The following STXBP5L variants were observed in gnomAD, a reference collection of about 807,000 sequenced individuals.
STXBP5L encodes syntaxin-binding protein 5-like.
In STXBP5L, 65 loss-of-function variants were observed where a neutral mutation model predicts 144.5. That is an observed-to-expected ratio of 0.45 (90% confidence interval 0.37 to 0.55). STXBP5L has a LOEUF of 0.55. STXBP5L is among the 20% of genes least tolerant of loss of function. The pLI is 0.00. For missense variants in STXBP5L, 1,298 were observed against 1,405.5 expected, an observed-to-expected ratio of 0.92 and a Z score of 1.22; for synonymous variants, 505 against 469.6, an observed-to-expected ratio of 1.08 and a Z score of -0.97.
intron 5 of STXBP5L, among the ~76,000 whole-genome samples, chr3:121,090,856 A>T (rs974694976): frequency 2.6e-4 from 39 of 151,796 alleles, no homozygotes; most frequent in Middle Eastern, 3.2e-3. Flanking sequence ...TATACATGTG[A>T]CATGCTGGTG....
intron 20 of STXBP5L, among the ~76,000 whole-genome samples, chr3:121,333,258 G>T (rs570523844): frequency 2.1e-4 from 32 of 152,164 alleles, no homozygotes; most frequent in Non-Finnish European, 3.7e-4. Context: ...AATGTAAGTG[G>T]TCTAAATGCT....
At chr3:121,403,877 C>T (rs2046939124) in intron 22 of STXBP5L, among the ~76,000 whole-genome samples, 1 of 152,176 alleles carries the variant, frequency 6.6e-6, no homozygotes, top group South Asian at 2.1e-4. Flanking sequence ...TATTCCTTCT[C>T]AATCTCTTTA....
intron 9 of STXBP5L, among the ~76,000 whole-genome samples, chr3:121,190,127 A>G (rs908611088): frequency 6.6e-6 from 1 of 151,932 alleles, no homozygotes. Context: ...GTAGGTTCAT[A>G]GGACAATAGT....
chr3:121,300,027 T>A (rs562243091), intron 19 of STXBP5L, among the ~76,000 whole-genome samples: 1 of 147,944 alleles, frequency 6.8e-6, no homozygotes, highest in Admixed American at 6.7e-5. Context: ...GACTTTATAG[T>A]CAAACTACTA....
chr3:121,210,691 C>G (rs896406220), intron 10 of STXBP5L, among the ~76,000 whole-genome samples: 8 of 152,156 alleles, frequency 5.3e-5, no homozygotes, highest in African/African-American at 1.7e-4. Flanking sequence ...ATAGGGAATC[C>G]TTTCCCCATT....
chr3:121,026,034 TTATA>T (rs5852258), intron 3 of STXBP5L, among the ~76,000 whole-genome samples: 30,328 of 145,316 alleles, frequency 0.21, 3,385 homozygotes, highest in Non-Finnish European at 0.26. Flanking sequence ...ATTTTATAAG[TTATA>T]TATAATTATA....
At chr3:121,297,029 C>T (rs1428798523) in intron 19 of STXBP5L, among the ~76,000 whole-genome samples, 1 of 152,074 alleles carries the variant, frequency 6.6e-6, no homozygotes, top group Non-Finnish European at 1.5e-5. Context: ...AATACCAATA[C>T]AAATAACAAT....
chr3:121,334,744 A>T (rs2044446020), intron 20 of STXBP5L, among the ~76,000 whole-genome samples: 1 of 151,990 alleles, frequency 6.6e-6, no homozygotes, highest in Admixed American at 6.6e-5. Flanking sequence ...AAACCACATG[A>T]TCATCTCAGT....
At chr3:121,252,290 T>TTGATTAACTCAAAGTCAACTAATTA (rs2050051696) in intron 15 of STXBP5L, among the ~76,000 whole-genome samples, 1 of 151,788 alleles carries the variant, frequency 6.6e-6, no homozygotes, top group East Asian at 1.9e-4. Flanking sequence ...TGCTGGAATC[T>TTGATTAACTCAAAGTCAACTAATTA]GGGAGGCAGA....
intron 3 of STXBP5L, among the ~76,000 whole-genome samples, chr3:121,022,425 C>T (rs1945625377): frequency 6.6e-6 from 1 of 151,790 alleles, no homozygotes; most frequent in East Asian, 1.9e-4. Context: ...AAATCAAATC[C>T]TAATATCAAA....
chr3:121,086,618 G>T (rs1487055124), intron 5 of STXBP5L, among the ~76,000 whole-genome samples: 1 of 152,042 alleles, frequency 6.6e-6, no homozygotes, highest in Non-Finnish European at 1.5e-5. Flanking sequence ...AAGTGTTTTG[G>T]ATTTTAGATT....
intron 10 of STXBP5L, among the ~76,000 whole-genome samples, chr3:121,213,571 C>T (rs145338527): frequency 5.9e-5 from 9 of 152,132 alleles, no homozygotes; most frequent in South Asian, 4.1e-4. Context: ...CCAACTTGAT[C>T]GTGGTGGATA....
rs559580421 is a variant in STXBP5L at position 120,946,563 on chromosome 3, A to T, written c.190-8377A>T. 2.0e-5 allele frequency among the ~76,000 whole-genome samples: 3 copies of T among 151,834 alleles called. No homozygotes were observed. In the South Asian group the frequency reaches 6.2e-4, roughly 32 times the overall value. ...GCTGAACTAAAACTTCTATTAGTAT[A>T]GAAGGGAAAAATGCAGACATTGGGG... is the stretch of plus-strand genomic sequence containing the variant. On this transcript the variant is annotated intron_variant, in intron 2 of 26. Coordinates refer to ENST00000471454, the MANE Select transcript of STXBP5L (RefSeq NM_001308330.2).
At chr3:121,152,384 G>T in intron 7 of STXBP5L, 93 bp from the exon 8 acceptor site, 3 of 873,016 alleles carry the variant, frequency 3.4e-6, no homozygotes, top group Non-Finnish European at 3.5e-6. Flanking sequence ...GATGTTATGT[G>T]GTATGATTTT....
At chr3:121,320,249 GTGTT>G (rs1477528974) in intron 20 of STXBP5L, among the ~76,000 whole-genome samples, 1 of 151,574 alleles carries the variant, frequency 6.6e-6, no homozygotes, top group African/African-American at 2.4e-5. Flanking sequence ...TTATTCCTTT[GTGTT>G]TGTTTTTTTC....
chr3:121,005,612 C>T (rs957619125), intron 3 of STXBP5L, among the ~76,000 whole-genome samples: 11 of 152,144 alleles, frequency 7.2e-5, no homozygotes, highest in African/African-American at 1.2e-4. Flanking sequence ...TGTGTTTGCT[C>T]TTGCTTTTCT....
At chr3:121,166,356 G>T (rs2046499144) in intron 9 of STXBP5L, among the ~76,000 whole-genome samples, 1 of 151,792 alleles carries the variant, frequency 6.6e-6, no homozygotes, top group Non-Finnish European at 1.5e-5. Context: ...TTTCTGTACT[G>T]CATTCTGGGT....
chr3:121,070,990 G>T (rs1204516845), intron 5 of STXBP5L, among the ~76,000 whole-genome samples: 21 of 152,192 alleles, frequency 1.4e-4, no homozygotes, highest in Non-Finnish European at 2.8e-4. Context: ...CGAGTAACTA[G>T]TCTAGTTATA....
intron 20 of STXBP5L, among the ~76,000 whole-genome samples, chr3:121,364,718 A>G (rs575752953): frequency 6.6e-6 from 1 of 152,100 alleles, no homozygotes; most frequent in South Asian, 2.1e-4. Context: ...GCTATTGTAA[A>G]TGAAATTTTT....
Sources: gnomAD v4.1 joint callset for allele counts (sites outside exome capture counted in the v4.1 genomes callset) on GRCh38, gnomAD v4.1.1 for gene constraint, MANE v1.5 for transcripts, NCBI Gene and HGNC (gene_info 2026-07-23, HGNC 2026-07-21) for gene names.